Variants in ZNF311 observed in about 807,000 individuals in gnomAD.
ZNF311 encodes the protein zinc finger protein zfp31.
ZNF311 carries 14 observed loss-of-function variants against 22.7 expected under a neutral mutation model. The ratio of observed to expected loss-of-function variants is 0.62; its 90% CI spans 0.41 to 0.96. The LOEUF is 0.96. Ranked by LOEUF, ZNF311 falls within the 40% of genes least tolerant of loss-of-function variation. The pLI, the probability that ZNF311 is intolerant of heterozygous loss-of-function variation, is 0.00. For synonymous variants in ZNF311, 250 were observed against 275.3 expected, an observed-to-expected ratio of 0.91 and a Z score of 0.91; for missense variants, 731 against 799.0, an observed-to-expected ratio of 0.91 and a Z score of 1.03.
At chr6:29,003,322 C>A (rs1417899916) in intron 3 of ZNF311, among the ~76,000 whole-genome samples, 191 bp downstream of exon 3, 1 of 152,142 alleles carries the variant, frequency 6.6e-6, no homozygotes, top group Non-Finnish European at 1.5e-5. Flanking sequence ...ATTTAAGATA[C>A]TGACAGAAAC....
At chr6:28,999,798 A>C in intron 4 of ZNF311, 158 bp downstream of exon 4, 1 of 1,237,200 alleles carries the variant, frequency 8.1e-7, no homozygotes. Context: ...ATGAAAGAGA[A>C]AACAACCCAC....
chr6:29,000,135 G>T, intron 3 of ZNF311, 88 bp from the exon 4 acceptor site: 1 of 1,248,192 alleles, frequency 8.0e-7, no homozygotes, highest in Non-Finnish European at 1.1e-6. Flanking sequence ...AAATGTAGAA[G>T]CTTCTGCAGC....
In ZNF311 at chr6:28,996,985, TCTGCTTTGCTCC is replaced by T. The variant is rs553454260; in HGVS notation, c.416-411_416-400del. Among the ~76,000 whole-genome samples the T allele has an allele frequency of 1.5e-3, 236 of 152,304 alleles. 1 individual carries two copies. Among genetic ancestry groups the T allele is most frequent in the African/African-American group, 4.8e-3 (199 of 41,570 alleles). On this transcript the variant is annotated intron_variant, in intron 6 of 6. Transcript: ENST00000377179. ...GATGCAGTCCCTTTTCAAGGAACTG[TCTGCTTTGCTCC>T]CAAGGGTGGGCCCTGGAGAGCCATA...
At chr6:29,003,108 A>G (rs1023970373) in intron 3 of ZNF311, among the ~76,000 whole-genome samples, 3 of 152,240 alleles carry the variant, frequency 2.0e-5, no homozygotes, top group Non-Finnish European at 4.4e-5. Context: ...AAAATTGTAT[A>G]TATTCAAATT....
At chr6:28,996,638 G>C in intron 6 of ZNF311, 52 bp from the exon 7 acceptor site, 1 of 1,524,726 alleles carries the variant, frequency 6.6e-7, no homozygotes, top group Non-Finnish European at 8.7e-7. Context: ...TGAGATGGGA[G>C]GCGTGAAGCA....
intron 6 of ZNF311, among the ~76,000 whole-genome samples, chr6:28,998,280 G>A (rs764265237): frequency 4.6e-5 from 7 of 150,608 alleles, no homozygotes; most frequent in South Asian, 2.1e-4. Context: ...ATGATTCTCC[G>A]GCCTCAGACC....
chr6:28,998,764 C>A lies in ZNF311; in HGVS notation c.385G>T (p.Asp129Tyr). The stretch of plus-strand genomic sequence containing the variant: ...TAGGAGCAGCTTAGGGACTCCCTGT[C>A]CTGTGGATCCTGCACACAGGGGTCT... ...EVDPCVQDPQ[D>Y]RESLSCSYPV... Residue 129 changes from aspartate to tyrosine, a missense_variant, in exon 6 of 7, where the codon GAC becomes TAC. Physicochemically the swap from Asp to Tyr is radical, Grantham distance 160. Coordinates refer to ENST00000377179, the MANE Select transcript of ZNF311 (RefSeq NM_001382360.1). 1 of 1,612,838 alleles carries A rather than the reference C, an allele frequency of 6.2e-7. No homozygotes were observed. Among genetic ancestry groups the A allele is most frequent in the Non-Finnish European group, 8.5e-7 (1 of 1,179,956 alleles).
intron 5 of ZNF311, 99 bp from the exon 6 acceptor site, chr6:28,998,937 A>G (rs1227175992): frequency 1.3e-6 from 1 of 745,112 alleles, no homozygotes; most frequent in African/African-American, 1.8e-5. Context: ...ATATGAAAAC[A>G]GGAAAGAAAT....
At chr6:29,003,729 A>T in intron 2 of ZNF311, 135 bp from the exon 3 acceptor site, 2 of 1,393,626 alleles carry the variant, frequency 1.4e-6, no homozygotes, top group Non-Finnish European at 2.0e-6. Flanking sequence ...AAAATAATGG[A>T]CTCAGTTCCT....
Position 28,999,494 on chromosome 6 carries a change from T to A in ZNF311, c.303A>T (p.Val101=). Residue 101 remains valine (V), a synonymous_variant, in exon 5 of 7, where the codon GTA becomes GTT. Transcript: ENST00000377179. Reference sequence around the variant, plus strand: ...TGTAGGGAAGGTCCTTACCAAGTGATACCATGTTCCCATAATTTTCCAACA... The same window carrying A: ...TGTAGGGAAGGTCCTTACCAAGTGAAACCATGTTCCCATAATTTTCCAACA... ...DVMLENYGNM[V]SLGFPFPKPP... 6.2e-7 allele frequency: 1 copy of A among 1,611,114 alleles called. No homozygotes were observed. The highest frequency in any genetic ancestry group is 8.5e-7 in the Non-Finnish European group (1 of 1,179,238).
At chr6:29,003,176 A>G (rs910129946) in intron 3 of ZNF311, among the ~76,000 whole-genome samples, 4 of 152,236 alleles carry the variant, frequency 2.6e-5, no homozygotes, top group African/African-American at 7.2e-5. Flanking sequence ...CACAAGTTTT[A>G]TAAGTGTAAA....
In ZNF311 at chr6:28,995,419, T is replaced by G; in HGVS notation, c.1583A>C (p.Lys528Thr). 1 of 1,614,012 alleles carries G rather than the reference T, an allele frequency of 6.2e-7. No individual in the cohort carries two copies. The highest frequency in any genetic ancestry group is 8.5e-7 in the Non-Finnish European group (1 of 1,179,974). The part of the protein sequence containing the change: ...QRIHTGEKPY[K>T]CLECGKAFSG... ...GAAAGCTTTCCCACACTCTAAACATTTGTAAGGTTTCTCTCCAGTGTGGAT... is the reference window on the plus strand; with the variant it reads ...GAAAGCTTTCCCACACTCTAAACATGTGTAAGGTTTCTCTCCAGTGTGGAT... Residue 528 changes from lysine (K) to threonine (T), a missense_variant, in exon 7 of 7, where the codon AAA (lysine) becomes ACA (threonine). Transcript: ENST00000377179. The surrounding 1 kb of genome is among the most constrained non-coding windows in gnomAD (Gnocchi z 4.7).
Position 29,004,120 on chromosome 6 carries a change from A to T in ZNF311, c.-166T>A. ...AGCCAAAGGGCCCTTCTTGACCCAC[A>T]GTGCCGCTACTGTTTGGCTTAATGT... On this transcript the variant is annotated 5_prime_UTR_variant, in exon 2 of 7. Coordinates refer to ENST00000377179, the MANE Select transcript of ZNF311 (RefSeq NM_001382360.1). The T allele has an allele frequency of 1.3e-6, 2 of 1,544,748 alleles. No homozygotes were observed. Among genetic ancestry groups the T allele is most frequent in the Non-Finnish European group, 1.7e-6 (2 of 1,148,684 alleles).
rs751836963 is a variant in ZNF311 at position 28,995,503 on chromosome 6, T to C, written c.1499A>G (p.Gln500Arg). 2 of 1,613,138 alleles carry C rather than the reference T, an allele frequency of 1.2e-6. No homozygotes were observed. The highest frequency in any genetic ancestry group is 8.5e-7 in the Non-Finnish European group (1 of 1,179,600). The change falls in exon 7 of 7, where the codon CAA becomes CGA. Residue 500 changes from glutamine to arginine, a missense_variant. Coordinates refer to ENST00000377179, the MANE Select transcript of ZNF311 (RefSeq NM_001382360.1). This position sits in a 1 kb window ranked among gnomAD's most constrained non-coding sequence, Gnocchi z 4.7. Reference protein sequence around the residue: ...EREHTGEKPYQCRDCGKTFQD... With the variant: ...EREHTGEKPYRCRDCGKTFQD... ...GAAGGTTTTCCCACAATCCCTGCATTGATAGGGCTTCTCCCCTGTATGCTC... is the reference window on the plus strand; with the variant it reads ...GAAGGTTTTCCCACAATCCCTGCATCGATAGGGCTTCTCCCCTGTATGCTC...
At chr6:28,998,897 T>C (rs1188110289) in intron 5 of ZNF311, 59 bp from the exon 6 acceptor site, 6 of 1,217,878 alleles carry the variant, frequency 4.9e-6, no homozygotes, top group Non-Finnish European at 7.2e-6. Flanking sequence ...ACTTATAACT[T>C]AGCTAAGCAG....
At chr6:28,996,631 G>A in intron 6 of ZNF311, 45 bp from the exon 7 acceptor site, 1 of 1,532,190 alleles carries the variant, frequency 6.5e-7, no homozygotes, top group Non-Finnish European at 8.7e-7. Flanking sequence ...AAATAAGTGA[G>A]ATGGGAGGCG....
At position 28,997,987 on chromosome 6, in the gene ZNF311, T is replaced by C. The variant is rs1779869793; in HGVS notation, c.415+747A>G. On this transcript the variant is annotated intron_variant, in intron 6 of 6. Transcript: ENST00000377179. ...TGATCTTGCCCCTTTCTACTACTTA[T>C]GAACCTCCCCAAAGCTATTCTAAGT... is the stretch of plus-strand genomic sequence containing the variant. Among the ~76,000 whole-genome samples, 3 of 152,130 alleles carry C rather than the reference T, an allele frequency of 2.0e-5. No individual in the cohort carries two copies. The South Asian group carries it at 6.2e-4, about 32-fold the overall frequency.
intron 5 of ZNF311, among the ~76,000 whole-genome samples, 156 bp from the exon 6 acceptor site, chr6:28,998,994 T>G (rs901207215): frequency 6.6e-6 from 1 of 151,920 alleles, no homozygotes; most frequent in Non-Finnish European, 1.5e-5. Flanking sequence ...TAGTAACATG[T>G]AAAAGAACAT....
rs1780837566 is a variant in ZNF311 at position 29,004,096 on chromosome 6, G to A, written c.-142C>T. 1.3e-6 allele frequency: 2 copies of A among 1,585,180 alleles called. No individual in the cohort carries two copies. Among genetic ancestry groups the A allele is most frequent in the Admixed American group, 1.8e-5 (1 of 56,994 alleles). On this transcript the variant is annotated 5_prime_UTR_variant, in exon 2 of 7. Coordinates refer to ENST00000377179, the MANE Select transcript of ZNF311 (RefSeq NM_001382360.1). Reference sequence around the variant, plus strand: ...GAGAACACATGTTTTGGTGGTGCCAGCCAAAGGGCCCTTCTTGACCCACAG... The same window carrying A: ...GAGAACACATGTTTTGGTGGTGCCAACCAAAGGGCCCTTCTTGACCCACAG...
Sources: gnomAD v4.1 joint callset for allele counts (sites outside exome capture counted in the v4.1 genomes callset) on GRCh38, gnomAD v4.1.1 for gene constraint, Gnocchi (gnomAD v3.1) non-coding constraint, MANE v1.5 for transcripts, NCBI Gene and HGNC (gene_info 2026-07-23, HGNC 2026-07-21) for gene names.